C4orf51: variants seen among roughly 807,000 people sequenced by gnomAD.
C4orf51 encodes the protein uncharacterized protein C4orf51.
Under a neutral mutation model 25.2 loss-of-function variants are expected in C4orf51, and 25 were observed. The observed-to-expected ratio is 0.99, with a 90% CI of 0.72 to 1.39. The LOEUF (loss-of-function observed/expected upper bound fraction) is 1.39, where lower values mean the gene tolerates loss of function less well. Ranked by LOEUF, C4orf51 falls within the 40% of genes most tolerant of loss-of-function variation. C4orf51 has a pLI of 0.00. For missense variants in C4orf51, 252 were observed against 239.6 expected, an observed-to-expected ratio of 1.05 and a Z score of -0.34; for synonymous variants, 100 against 84.5, an observed-to-expected ratio of 1.18 and a Z score of -1.01.
In C4orf51 at chr4:145,762,954, C is replaced by T. The variant is rs1206187415; in HGVS notation, n.167-8034C>T. ...CAGAGCCCAACACAACCAAGTGCAC[C>T]GTGCACGGCCTCCTCAGCGCCAAGC... On this transcript the variant is annotated intron_variant and non_coding_transcript_variant, in intron 1 of 1. Coordinates refer to the C4orf51 transcript ENST00000510096. The surrounding 1 kb of genome is among the most constrained non-coding windows in gnomAD (Gnocchi z 4.9). 1.4e-5 allele frequency: 11 copies of T among 778,952 alleles called. No homozygotes were observed. The highest frequency in any genetic ancestry group is 2.2e-5 in the Non-Finnish European group (11 of 494,408). The allele number at this position is 778,952 out of a possible 1,614,324, so 48.3% of individuals were successfully genotyped here. A position where few individuals can be genotyped will look rare whatever the true frequency, so the allele number is the denominator to read the frequency against.
At chr4:145,769,996 G>C (rs1735997655) in intron 1 of C4orf51, among the ~76,000 whole-genome samples, 1 of 152,072 alleles carries the variant, frequency 6.6e-6, no homozygotes, top group Admixed American at 6.6e-5. Flanking sequence ...TTAAGATTAA[G>C]AATAAAGACT....
chr4:145,713,290 A>G (rs1434954047), intron 2 of C4orf51, among the ~76,000 whole-genome samples: 1 of 152,238 alleles, frequency 6.6e-6, no homozygotes, highest in Admixed American at 6.5e-5. Flanking sequence ...GATTCCTTTA[A>G]TGAATCTGAG....
downstream of C4orf51, among the ~76,000 whole-genome samples, chr4:145,733,844 C>T (rs1368753572): frequency 6.6e-6 from 1 of 152,162 alleles, no homozygotes; most frequent in Non-Finnish European, 1.5e-5. Context: ...TGGCCAGCCC[C>T]AGTAGACATC....
intron 2 of C4orf51, among the ~76,000 whole-genome samples, chr4:145,720,445 C>G (rs1030977376): frequency 3.3e-5 from 5 of 152,164 alleles, no homozygotes; most frequent in Non-Finnish European, 5.9e-5. Flanking sequence ...CCAAAGGAGC[C>G]CTAGGTCTTA....
intron 4 of C4orf51, among the ~76,000 whole-genome samples, chr4:145,729,520 C>T (rs1439011915): frequency 3.3e-5 from 5 of 152,064 alleles, no homozygotes; most frequent in South Asian, 2.1e-4. Flanking sequence ...CCAGGATGGT[C>T]TCGATCTTCC....
Position 145,737,905 on chromosome 4 carries a change from A to G in C4orf51, n.167+5286A>G, listed in dbSNP as rs1399608718. Among the ~76,000 whole-genome samples the G allele has an allele frequency of 2.6e-5, 4 of 152,200 alleles. No homozygotes were observed. In the East Asian group the frequency reaches 7.7e-4, roughly 29 times the overall value. ...TGCTTGGTAATGATAGGCTCTTTCA[A>G]TCTGAGTGTTCATGTTCTAAAATAT... On this transcript the variant is annotated intron_variant and non_coding_transcript_variant, in intron 1 of 1. Coordinates refer to the C4orf51 transcript ENST00000508981.
At chr4:145,750,840 T>G (rs554507394) in intron 1 of C4orf51, among the ~76,000 whole-genome samples, 3 of 152,186 alleles carry the variant, frequency 2.0e-5, no homozygotes, top group Non-Finnish European at 4.4e-5. Context: ...TTTAATTCTT[T>G]TTTATTTTAT....
chr4:145,734,325 T>C (rs1042580176), downstream of C4orf51, among the ~76,000 whole-genome samples: 4 of 151,810 alleles, frequency 2.6e-5, no homozygotes, highest in Admixed American at 6.6e-5. Context: ...CCGAGATGTA[T>C]ATCCATTGAT....
Position 145,716,991 on chromosome 4 carries a change from G to T in C4orf51, c.308-9920G>T, listed in dbSNP as rs2126739039. On this transcript the variant is annotated intron_variant, in intron 2 of 5. Transcript: ENST00000438731. ...AGCTTGAAGACAAGTCTGAGCCTGTGTTTGGGAAATTAAACAGCCTGAACA... is the reference window on the plus strand; with the variant it reads ...AGCTTGAAGACAAGTCTGAGCCTGTTTTTGGGAAATTAAACAGCCTGAACA... Among the ~76,000 whole-genome samples, 3 of 152,316 alleles carry T rather than the reference G, an allele frequency of 2.0e-5. No homozygotes were observed. The South Asian group carries it at 6.2e-4, about 32-fold the overall frequency.
At chr4:145,716,250 G>A (rs1731406822) in intron 2 of C4orf51, among the ~76,000 whole-genome samples, 1 of 152,168 alleles carries the variant, frequency 6.6e-6, no homozygotes, top group Admixed American at 6.5e-5. Flanking sequence ...CTGGGACACA[G>A]ACTTCCTTCC....
At chr4:145,771,700 G>A (rs1172629082), downstream of C4orf51, among the ~76,000 whole-genome samples, 1 of 152,166 alleles carries the variant, frequency 6.6e-6, no homozygotes, top group East Asian at 1.9e-4. Flanking sequence ...AGGCATGCCT[G>A]GAGTAACACC....
chr4:145,717,969 T>C (rs1045730709), intron 2 of C4orf51, among the ~76,000 whole-genome samples: 1 of 152,222 alleles, frequency 6.6e-6, no homozygotes, highest in Non-Finnish European at 1.5e-5. Context: ...TAATACAGAT[T>C]CTAATATGTT....
intron 1 of C4orf51, among the ~76,000 whole-genome samples, chr4:145,680,735 C>G (rs1319083547): frequency 6.6e-6 from 1 of 152,116 alleles, no homozygotes; most frequent in Non-Finnish European, 1.5e-5. Context: ...AAAAGGTGCT[C>G]CTGAGAATTT....
rs756761258 is a variant in C4orf51 at position 145,726,929 on chromosome 4, C to A, written c.326C>A (p.Thr109Asn). The stretch of plus-strand genomic sequence containing the variant: ...CATGCAGGACTATTCCCTGATATAA[C>A]CAGGCCCTTTAAAAAGTCATTTGAT... ...TDIKGLFPDI[T>N]RPFKKSFDVK... The change falls in exon 3 of 6, where the codon ACC (threonine) becomes AAC (asparagine). Residue 109 changes from threonine to asparagine, a missense_variant. Physicochemically the swap from Thr to Asn is moderately conservative, Grantham distance 65. Coordinates refer to ENST00000438731, the MANE Select transcript of C4orf51 (RefSeq NM_001080531.3). 4.3e-6 allele frequency: 7 copies of A among 1,613,250 alleles called. No individual in the cohort carries two copies. In the South Asian group the frequency reaches 6.6e-5, roughly 15 times the overall value.
chr4:145,690,143 G>A (rs1163099295), intron 1 of C4orf51, among the ~76,000 whole-genome samples: 1 of 135,696 alleles, frequency 7.4e-6, no homozygotes, highest in Admixed American at 7.6e-5. Context: ...GGAGGCGGAG[G>A]TTGCAGTGAG....
At chr4:145,789,233 A>G in the C4orf51 span, among the ~76,000 whole-genome samples, 1 of 152,122 alleles carries the variant, frequency 6.6e-6, no homozygotes, top group East Asian at 1.9e-4. Flanking sequence ...CTATTTCTGA[A>G]TTCTTTATTA....
intron 4 of C4orf51, 76 bp from the exon 5 acceptor site, chr4:145,729,816 G>C: frequency 8.1e-7 from 1 of 1,236,460 alleles, no homozygotes; most frequent in Middle Eastern, 1.9e-4. Flanking sequence ...CAAGGTTTGG[G>C]AATGTCAGGA....
In C4orf51 at chr4:145,724,671, C is replaced by T. The variant is rs142540649; in HGVS notation, c.308-2240C>T. On this transcript the variant is annotated intron_variant, in intron 2 of 5. Transcript: ENST00000438731. ...CTGAGGTAGGAGGACTGCTTGAGCT[C>T]GGGAGTTCGAGACCAGCCTGGGTAA... 2.1e-3 allele frequency among the ~76,000 whole-genome samples: 312 copies of T among 151,928 alleles called. 1 individual carries two copies. The highest frequency in any genetic ancestry group is 6.9e-3 in the African/African-American group (286 of 41,450).
At chr4:145,777,294 G>A in the C4orf51 span, among the ~76,000 whole-genome samples, 4 of 152,286 alleles carry the variant, frequency 2.6e-5, no homozygotes, top group Admixed American at 2.6e-4. Context: ...TTAAGGTTAT[G>A]CATCCTCCAT....
Sources: gnomAD v4.1 joint callset for allele counts (sites outside exome capture counted in the v4.1 genomes callset) on GRCh38, gnomAD v4.1.1 for gene constraint, Gnocchi (gnomAD v3.1) non-coding constraint, MANE v1.5 for transcripts, NCBI Gene and HGNC (gene_info 2026-07-23, HGNC 2026-07-21) for gene names.